CRTC3: variants seen among roughly 807,000 people sequenced by gnomAD.
The protein encoded by CRTC3 is CREB-regulated transcription coactivator 3.
In CRTC3, 26 loss-of-function variants were observed where a neutral mutation model predicts 74.5. That is an observed-to-expected ratio of 0.35 (90% confidence interval 0.26 to 0.48). The LOEUF (loss-of-function observed/expected upper bound fraction) is 0.48. Ranked by LOEUF, CRTC3 falls within the 20% of genes least tolerant of loss-of-function variation. The pLI, the probability that CRTC3 is intolerant of heterozygous loss-of-function variation, is 0.99. For missense variants in CRTC3, 760 were observed against 787.3 expected, an observed-to-expected ratio of 0.97 and a Z score of 0.41; for synonymous variants, 377 against 325.8, an observed-to-expected ratio of 1.16 and a Z score of -1.69.
chr15:90,626,031 A>T (rs200212567), intron 10 of CRTC3, 38 bp downstream of exon 10: 16 of 1,534,334 alleles, frequency 1.0e-5, no homozygotes, highest in Non-Finnish European at 1.4e-5. Flanking sequence ...TGGTGGCTTA[A>T]TCATAGGTGG....
chr15:90,576,630 G>C lies in CRTC3; in HGVS notation c.232-17006G>C, dbSNP rs79168935. ...ATGGTCAGGAAGTTCAGGAGTGTGCGAAGAAGACTGGAAAGAAACACTCAG... is the reference window on the plus strand; with the variant it reads ...ATGGTCAGGAAGTTCAGGAGTGTGCCAAGAAGACTGGAAAGAAACACTCAG... On this transcript the variant is annotated intron_variant, in intron 2 of 14. Coordinates refer to ENST00000268184, the MANE Select transcript of CRTC3 (RefSeq NM_022769.5). Among the ~76,000 whole-genome samples the C allele has an allele frequency of 3.9e-5, 6 of 152,200 alleles. No homozygotes were observed. In the East Asian group the frequency reaches 1.2e-3, roughly 29 times the overall value.
At chr15:90,574,816 T>C (rs959949532) in intron 2 of CRTC3, among the ~76,000 whole-genome samples, 31 of 152,238 alleles carry the variant, frequency 2.0e-4, no homozygotes, top group Non-Finnish European at 3.8e-4. Context: ...TGTTTTTTCC[T>C]GTTTATGAAC....
At chr15:90,597,391 A>G (rs1027025225) in intron 3 of CRTC3, among the ~76,000 whole-genome samples, 1 of 152,250 alleles carries the variant, frequency 6.6e-6, no homozygotes, top group African/African-American at 2.4e-5. Flanking sequence ...CTTCCTTGAA[A>G]GGAAGTCAAG....
chr15:90,620,053 C>G (rs982642855), intron 9 of CRTC3: 2 of 419,014 alleles, frequency 4.8e-6, no homozygotes, highest in Non-Finnish European at 8.6e-6. Flanking sequence ...GGTAAATACA[C>G]AACTCTCCGG....
In CRTC3 at chr15:90,638,788, G is replaced by T; in HGVS notation, c.1521G>T (p.Met507Ile). Reference sequence around the variant, plus strand: ...ATGTGGGTTTTGACCAGCAGTCCATGAGGCCAGGCCCTGCCTTTCCTCAAC... The same window carrying T: ...ATGTGGGTTTTGACCAGCAGTCCATTAGGCCAGGCCCTGCCTTTCCTCAAC... ...FPDVGFDQQSMRPGPAFPQQV... is the reference protein window; with the variant it reads ...FPDVGFDQQSIRPGPAFPQQV... The change falls in exon 13 of 15, where the codon ATG (methionine) becomes ATT (isoleucine). Residue 507 changes from methionine to isoleucine, a missense_variant. By Grantham distance (10) the Met-to-Ile change is conservative. Around this residue, in one of 2 missense-constraint regions of CRTC3, gnomAD observed 652 missense variants for 635.2 expected, o/e 1.03. Transcript: ENST00000268184. The T allele has an allele frequency of 1.2e-6, 2 of 1,614,146 alleles. No homozygotes were observed. Among genetic ancestry groups the T allele is most frequent in the Non-Finnish European group, 1.7e-6 (2 of 1,180,024 alleles).
rs760077685 is a variant in CRTC3, at chr15:90,602,397, A to G, written c.413+12A>G. 3 of 1,497,614 alleles carry G rather than the reference A, an allele frequency of 2.0e-6. No homozygotes were observed. Among genetic ancestry groups the G allele is most frequent in the Non-Finnish European group, 2.8e-6 (3 of 1,075,556 alleles). 92.8% of individuals were successfully genotyped at this position (1,497,614 alleles called of 1,614,324 possible). A position where few individuals can be genotyped will look rare whatever the true frequency, so the allele number is the denominator to read the frequency against. On this transcript the variant is annotated intron_variant, in intron 4 of 14. Transcript: ENST00000268184. ...GAGAGTTGGCCAAGGTAAGCAAGACATACTTTAAAAGATATGATGGGCATG... is the reference window on the plus strand; with the variant it reads ...GAGAGTTGGCCAAGGTAAGCAAGACGTACTTTAAAAGATATGATGGGCATG...
intron 2 of CRTC3, among the ~76,000 whole-genome samples, chr15:90,551,941 C>T (rs1596077907): frequency 1.2e-4 from 1 of 8,318 alleles, no homozygotes; most frequent in African/African-American, 6.5e-4. Flanking sequence ...CACACACACA[C>T]ACGCACACAC....
intron 2 of CRTC3, among the ~76,000 whole-genome samples, chr15:90,564,961 T>C (rs954272362): frequency 7.4e-6 from 1 of 134,470 alleles, no homozygotes; most frequent in African/African-American, 2.8e-5. Context: ...TTCCTTCCTT[T>C]CATGGAGTTT....
At chr15:90,599,545 A>G (rs1226613226) in intron 3 of CRTC3, 1 of 152,242 alleles carries the variant, frequency 6.6e-6, no homozygotes, top group Non-Finnish European at 1.5e-5. Flanking sequence ...ATTAAGTATA[A>G]GTGTATAACA....
chr15:90,578,434 C>T lies in CRTC3; in HGVS notation c.232-15202C>T, dbSNP rs1023473782. On this transcript the variant is annotated intron_variant, in intron 2 of 14. Transcript: ENST00000268184. ...TGGTGGCATACACCTGTAATCCCAG[C>T]TACTAACTACTCGGGAGGCTGAGAC... 1.2e-4 allele frequency among the ~76,000 whole-genome samples: 18 copies of T among 151,928 alleles called. 1 individual carries two copies. Among genetic ancestry groups the T allele is most frequent in the Admixed American group, 8.5e-4 (13 of 15,250 alleles).
chr15:90,608,327 G>A (rs577919900), intron 6 of CRTC3, among the ~76,000 whole-genome samples: 3 of 152,096 alleles, frequency 2.0e-5, no homozygotes, highest in Admixed American at 6.5e-5. Flanking sequence ...GGAATGACAT[G>A]AGCCCCAAGG....
At position 90,643,992 on chromosome 15, in the gene CRTC3, A is replaced by G. The variant is rs953098611; in HGVS notation, c.*1852A>G. On this transcript the variant is annotated 3_prime_UTR_variant, in exon 15 of 15. Coordinates refer to ENST00000268184, the MANE Select transcript of CRTC3 (RefSeq NM_022769.5). ...CCTCTCCCGACCTCATTCCATTTCT[A>G]TCTTCTGACCTTGCCTCTCATCTTT... 4 of 232,154 alleles carry G rather than the reference A, an allele frequency of 1.7e-5. No homozygotes were observed. The highest frequency in any genetic ancestry group is 2.6e-5 in the Non-Finnish European group (3 of 117,488). The allele number at this position is 232,154 out of a possible 1,614,324, so 14.4% of individuals were successfully genotyped here.
Position 90,643,447 on chromosome 15 carries a change from G to A in CRTC3, c.*1307G>A, listed in dbSNP as rs1049285956. On this transcript the variant is annotated 3_prime_UTR_variant, in exon 15 of 15. Transcript: ENST00000268184. ...TGGGAGCTGTCTTCTGAGTACATCC[G>A]GAAGGGCTGAGCAGGTGAGTGCCCT... 3.1e-5 allele frequency: 7 copies of A among 229,156 alleles called. No individual in the cohort carries two copies. The highest frequency in any genetic ancestry group is 1.3e-3 in the Middle Eastern group (1 of 784). 14.2% of individuals were successfully genotyped at this position (229,156 alleles called of 1,614,324 possible).
At chr15:90,550,592 TACTC>T (rs1966853626) in intron 2 of CRTC3, among the ~76,000 whole-genome samples, 1 of 152,078 alleles carries the variant, frequency 6.6e-6, no homozygotes, top group South Asian at 2.1e-4. Context: ...TCCCCTTTAA[TACTC>T]AAGCAGCCTT....
chr15:90,616,643 C>T (rs1447156715), intron 7 of CRTC3, among the ~76,000 whole-genome samples: 1 of 152,182 alleles, frequency 6.6e-6, no homozygotes, highest in Non-Finnish European at 1.5e-5. Flanking sequence ...CCCTTCCTGA[C>T]ATCAGATCAC....
intron 10 of CRTC3, among the ~76,000 whole-genome samples, chr15:90,628,634 C>G (rs1051441463): frequency 3.3e-5 from 5 of 152,324 alleles, no homozygotes; most frequent in South Asian, 2.1e-4. Context: ...GCAAAAACTT[C>G]CTTTTCCCTG....
chr15:90,595,653 C>T (rs1230197690), intron 3 of CRTC3: 3 of 151,272 alleles, frequency 2.0e-5, no homozygotes, highest in African/African-American at 7.3e-5. Context: ...TTAGATTAAA[C>T]ATTATGCTAT....
chr15:90,545,739 G>A (rs1433606802), intron 2 of CRTC3, among the ~76,000 whole-genome samples: 4 of 105,646 alleles, frequency 3.8e-5, no homozygotes, highest in African/African-American at 1.2e-4. Context: ...ACCACGCCCG[G>A]GTAATTTTTT....
Position 90,642,847 on chromosome 15 carries a change from TC to T in CRTC3, c.*711del. On this transcript the variant is annotated 3_prime_UTR_variant, in exon 15 of 15. Transcript: ENST00000268184. ...CCATTTTATCAGTCACTGAAAAGAG[TC>T]CCCTGGCACTGATGAGCCTGAAGAG... 1 of 232,628 alleles carries T rather than the reference TC, an allele frequency of 4.3e-6. No homozygotes were observed. Among genetic ancestry groups the T allele is most frequent in the Non-Finnish European group, 8.5e-6 (1 of 117,772 alleles). 14.4% of individuals were successfully genotyped at this position (232,628 alleles called of 1,614,324 possible).
Sources: gnomAD v4.1 joint callset for allele counts (sites outside exome capture counted in the v4.1 genomes callset) on GRCh38, gnomAD v4.1.1 for gene constraint, gnomAD v4.1.1 regional missense constraint, MANE v1.5 for transcripts, NCBI Gene and HGNC (gene_info 2026-07-23, HGNC 2026-07-21) for gene names.